CAMK2D: variants seen among roughly 807,000 people sequenced by gnomAD.
The protein encoded by CAMK2D is calcium/calmodulin-dependent protein kinase type II subunit delta.
A neutral mutation model predicts 84.0 loss-of-function variants in CAMK2D; 37 were observed. That is an observed-to-expected ratio of 0.44 (90% CI 0.34 to 0.58). The LOEUF (loss-of-function observed/expected upper bound fraction) is 0.58. Ranked by LOEUF, CAMK2D falls within the 20% of genes least tolerant of loss-of-function variation. The probability of loss-of-function intolerance (pLI) is 0.02; values close to 1 mark genes in which losing one functional copy is unlikely to be tolerated. For missense variants in CAMK2D, 448 were observed against 652.5 expected, an observed-to-expected ratio of 0.69 and a Z score of 3.41; for synonymous variants, 202 against 212.5, an observed-to-expected ratio of 0.95 and a Z score of 0.43.
intron 8 of CAMK2D, among the ~76,000 whole-genome samples, chr4:113,521,537 T>C (rs1181258601): frequency 2.0e-5 from 3 of 152,194 alleles, no homozygotes; most frequent in Admixed American, 6.5e-5. Context: ...AGCACTTACA[T>C]GTGCTGTCTT....
At chr4:113,655,825 G>A (rs1454402927) in intron 3 of CAMK2D, among the ~76,000 whole-genome samples, 1 of 151,910 alleles carries the variant, frequency 6.6e-6, no homozygotes, top group African/African-American at 2.4e-5. Context: ...GGACTCTTAT[G>A]GTTGAATTAA....
At chr4:113,595,461 TGTG>T (rs767492944) in intron 4 of CAMK2D, among the ~76,000 whole-genome samples, 6,064 of 152,100 alleles carry the variant, frequency 0.04, 352 homozygotes, top group East Asian at 0.19. Flanking sequence ...TGTGTGTGTG[TGTG>T]TGTGTGTGTG....
intron 3 of CAMK2D, among the ~76,000 whole-genome samples, chr4:113,651,864 T>C (rs1592517975): frequency 1.3e-5 from 2 of 152,268 alleles, no homozygotes; most frequent in Middle Eastern, 6.8e-3. Flanking sequence ...ATAAGCCAGA[T>C]TTTTTACCAA....
At position 113,761,195 on chromosome 4, in the gene CAMK2D, T is replaced by C. The variant is rs2099640730; in HGVS notation, c.-127A>G. 2 of 1,567,886 alleles carry C rather than the reference T, an allele frequency of 1.3e-6. No individual in the cohort carries two copies. Among genetic ancestry groups the C allele is most frequent in the African/African-American group, 1.4e-5 (1 of 73,918 alleles). On this transcript the variant is annotated 5_prime_UTR_variant, in exon 1 of 21. Coordinates refer to ENST00000511664, the MANE Select transcript of CAMK2D (RefSeq NM_001321571.2). ...CGCTCTTACTTTCCTGGTCCGAAAG[T>C]AGCTCGCCCGCGAGGGAGTGTGCGC...
intron 16 of CAMK2D, among the ~76,000 whole-genome samples, chr4:113,474,070 C>G (rs1589833650): frequency 6.6e-6 from 1 of 152,194 alleles, no homozygotes; most frequent in African/African-American, 2.4e-5. Flanking sequence ...AGAATTCACT[C>G]TAGCCACATT....
At chr4:113,571,297 T>G (rs2098752438) in intron 4 of CAMK2D, among the ~76,000 whole-genome samples, 1 of 152,142 alleles carries the variant, frequency 6.6e-6, no homozygotes, top group East Asian at 1.9e-4. Flanking sequence ...GGGGTATATA[T>G]TCAAAGGATA....
At chr4:113,614,768 C>G (rs999826861) in intron 3 of CAMK2D, among the ~76,000 whole-genome samples, 3 of 152,032 alleles carry the variant, frequency 2.0e-5, no homozygotes, top group African/African-American at 7.2e-5. Context: ...GATAAATAAA[C>G]AGAAAAGACT....
chr4:113,601,680 A>G lies in CAMK2D; in HGVS notation c.275+7472T>C, dbSNP rs78789370. Among the ~76,000 whole-genome samples the G allele has an allele frequency of 2.6e-4, 9 of 34,582 alleles. No homozygotes were observed. The East Asian group carries it at 6.2e-3, about 24-fold the overall frequency. 22.7% of individuals were successfully genotyped at this position (34,582 alleles called of 152,430 possible). ...TGCATTTTATGTAGATTAACTGTTTATTCTTTTTTTTTTTTTTTTTTTTTT... is the reference window on the plus strand; with the variant it reads ...TGCATTTTATGTAGATTAACTGTTTGTTCTTTTTTTTTTTTTTTTTTTTTT... On this transcript the variant is annotated intron_variant, in intron 4 of 20. Coordinates refer to ENST00000511664, the MANE Select transcript of CAMK2D (RefSeq NM_001321571.2).
intron 2 of CAMK2D, among the ~76,000 whole-genome samples, chr4:113,744,185 G>C (rs2099599288): frequency 6.6e-6 from 1 of 152,110 alleles, no homozygotes; most frequent in South Asian, 2.1e-4. Context: ...ATCGCCATTT[G>C]TTCCTTAATC....
intron 3 of CAMK2D, among the ~76,000 whole-genome samples, chr4:113,655,595 C>G (rs72893952): frequency 6.6e-6 from 1 of 152,076 alleles, no homozygotes; most frequent in Non-Finnish European, 1.5e-5. Flanking sequence ...AATTACCTTG[C>G]TCTTTCTAAA....
intron 16 of CAMK2D, among the ~76,000 whole-genome samples, chr4:113,475,170 T>C (rs373506136): frequency 1.3e-5 from 2 of 152,220 alleles, no homozygotes; most frequent in African/African-American, 4.8e-5. Flanking sequence ...TAGTAAATAA[T>C]AGAATTTAGT....
At chr4:113,614,592 T>C (rs1342602863) in intron 3 of CAMK2D, among the ~76,000 whole-genome samples, 1 of 152,130 alleles carries the variant, frequency 6.6e-6, no homozygotes, top group Non-Finnish European at 1.5e-5. Flanking sequence ...ATTCTGACAT[T>C]CTATTACTAG....
At chr4:113,496,187 A>G (rs2097926814) in intron 16 of CAMK2D, among the ~76,000 whole-genome samples, 1 of 152,220 alleles carries the variant, frequency 6.6e-6, no homozygotes, top group African/African-American at 2.4e-5. Context: ...CGAGGAGTGC[A>G]GTTTGTACTG....
At chr4:113,719,801 A>G (rs2099524814) in intron 2 of CAMK2D, among the ~76,000 whole-genome samples, 1 of 152,168 alleles carries the variant, frequency 6.6e-6, no homozygotes, top group South Asian at 2.1e-4. Context: ...TAATGAAGCC[A>G]AGTACCTACT....
intron 17 of CAMK2D, among the ~76,000 whole-genome samples, chr4:113,460,844 C>G (rs1241032338): frequency 6.6e-6 from 1 of 151,966 alleles, no homozygotes; most frequent in African/African-American, 2.4e-5. Context: ...CAGTACCATG[C>G]TGGGTTAATT....
intron 16 of CAMK2D, among the ~76,000 whole-genome samples, chr4:113,494,414 GTGCCCC>G (rs1401241786): frequency 6.6e-6 from 1 of 151,686 alleles, no homozygotes; most frequent in Non-Finnish European, 1.5e-5. Flanking sequence ...AGGTGTCAGT[GTGCCCC>G]TGCTGGGGGG....
chr4:113,512,114 T>C (rs1030441096), intron 12 of CAMK2D, among the ~76,000 whole-genome samples: 1 of 152,210 alleles, frequency 6.6e-6, no homozygotes, highest in East Asian at 1.9e-4. Flanking sequence ...CTGGTAGTAT[T>C]TTTGGCTGAC....
At chr4:113,617,337 C>G (rs533874350) in intron 3 of CAMK2D, among the ~76,000 whole-genome samples, 1 of 151,962 alleles carries the variant, frequency 6.6e-6, no homozygotes, top group African/African-American at 2.4e-5. Flanking sequence ...GTCACCCATG[C>G]CTGTAGTCCT....
intron 8 of CAMK2D, among the ~76,000 whole-genome samples, chr4:113,522,383 C>A (rs2098372136): frequency 6.6e-6 from 1 of 152,214 alleles, no homozygotes; most frequent in South Asian, 2.1e-4. Context: ...GTATGGCTCT[C>A]TCTTACCTTG....
Sources: allele counts gnomAD v4.1 joint callset (sites outside exome capture counted in the v4.1 genomes callset), GRCh38; gene constraint gnomAD v4.1.1; transcripts MANE v1.5; gene names NCBI Gene and HGNC (gene_info 2026-07-23, HGNC 2026-07-21).